The following KIF22 variants were observed in gnomAD, a reference collection of about 807,000 sequenced individuals.
KIF22 encodes kinesin-like protein KIF22.
KIF22 carries 62 observed loss-of-function variants against 73.0 expected under a neutral mutation model. The observed-to-expected ratio is 0.85, with a 90% confidence interval of 0.69 to 1.05. KIF22 has a LOEUF of 1.05. Ranked by LOEUF, KIF22 falls within the 50% of genes least tolerant of loss-of-function variation. The pLI is 0.00. For synonymous variants in KIF22, 411 were observed against 340.1 expected (o/e 1.21, Z -2.29); for missense variants, 854 against 870.1 (o/e 0.98, Z 0.23).
Position 29,798,292 on chromosome 16 carries a change from C to T in KIF22, c.267-82C>T, listed in dbSNP as rs1408356906. The T allele has an allele frequency of 2.3e-6, 3 of 1,285,378 alleles. No individual in the cohort carries two copies. The highest frequency in any genetic ancestry group is 3.1e-6 in the Non-Finnish European group (3 of 954,642). 79.6% of individuals were successfully genotyped at this position (1,285,378 alleles called of 1,614,324 possible). A position where few individuals can be genotyped will look rare whatever the true frequency, so the allele number is the denominator to read the frequency against. On this transcript the variant is annotated intron_variant, in intron 2 of 13. Transcript: ENST00000160827. This position sits in a 1 kb window ranked among gnomAD's most constrained non-coding sequence, Gnocchi z 4.1. ...AGATGAGAGTAGAATCCCTTACCCA[C>T]CCCCACCCCACTCCACCCCTTACAC...
Position 29,799,984 on chromosome 16 carries a change from G to A in KIF22, c.1216G>A (p.Glu406Lys). The change falls in exon 8 of 14, where the codon GAG (glutamate) becomes AAG (lysine). Residue 406 changes from glutamate to lysine, a missense_variant. Transcript: ENST00000160827. ...AGAGGCAAAGAGAGCCCGAGGCCCT[G>A]AGGAAGAGGAGATCGGGAGCCCTGA... is the stretch of plus-strand genomic sequence containing the variant. ...PPEAKRARGP[E>K]EEEIGSPEPM... 1 of 1,614,116 alleles carries A rather than the reference G, an allele frequency of 6.2e-7. No homozygotes were observed. Among genetic ancestry groups the A allele is most frequent in the East Asian group, 2.2e-5 (1 of 44,886 alleles).
In KIF22 at chr16:29,799,436, T is replaced by A. The variant is rs1317692045; in HGVS notation, c.932T>A (p.Leu311Gln). ...GTCCTGGGCAAAGTGGTAGATGCGC[T>A]GAATCAGGGCCTCCCTCGTGTACCT... ...LFVLGKVVDALNQGLPRVPYR... is the reference protein window; with the variant it reads ...LFVLGKVVDAQNQGLPRVPYR... Residue 311 changes from leucine (L) to glutamine (Q), a missense_variant, in exon 6 of 14, where the codon CTG becomes CAG. Transcript: ENST00000160827. 6.2e-7 allele frequency: 1 copy of A among 1,614,238 alleles called. No homozygotes were observed. The highest frequency in any genetic ancestry group is 1.1e-5 in the South Asian group (1 of 91,084).
At chr16:29,796,186 G>A (rs879817284) in intron 1 of KIF22, among the ~76,000 whole-genome samples, 4 of 147,502 alleles carry the variant, frequency 2.7e-5, no homozygotes, top group Admixed American at 1.4e-4. Flanking sequence ...TGGGAGGATC[G>A]CTTGAACCTG....
At chr16:29,804,789 T>A in intron 11 of KIF22, 25 bp from the exon 12 acceptor site, 1 of 1,568,878 alleles carries the variant, frequency 6.4e-7, no homozygotes, top group Non-Finnish European at 8.7e-7. Context: ...GCCCTGCGTG[T>A]CACTCATCTC....
At chr16:29,805,053 G>A in intron 12 of KIF22, 27 bp downstream of exon 12, 2 of 1,610,758 alleles carry the variant, frequency 1.2e-6, no homozygotes, top group South Asian at 1.1e-5. Context: ...CTGGGGGAGG[G>A]CGGGGGCGGG....
intron 8 of KIF22, 63 bp downstream of exon 8, chr16:29,800,111 T>A: frequency 6.6e-7 from 1 of 1,512,350 alleles, no homozygotes; most frequent in South Asian, 1.2e-5. Flanking sequence ...AGAGCTGCAA[T>A]GCCCGTCAGA....
In KIF22 at chr16:29,805,006, C is replaced by G. The variant is rs372344655; in HGVS notation, c.1870C>G (p.Leu624Val). ...CCAGCTAATCGTGGGCTGGCGGGAG[C>G]TCCACGGCCCCTTCAGCCAGGTAGC... ...KAQLIVGWRE[L>V]HGPFSQVEDL... The change falls in exon 12 of 14, where the codon CTC becomes GTC. Residue 624 changes from leucine to valine, a missense_variant. Coordinates refer to ENST00000160827, the MANE Select transcript of KIF22 (RefSeq NM_007317.3). 3.1e-6 allele frequency: 5 copies of G among 1,609,828 alleles called. No homozygotes were observed. Among genetic ancestry groups the G allele is most frequent in the East Asian group, 2.2e-5 (1 of 44,868 alleles).
rs1328469040 is a variant in KIF22, at chr16:29,798,290, C to T, written c.267-84C>T. On this transcript the variant is annotated intron_variant, in intron 2 of 13. Transcript: ENST00000160827. The surrounding 1 kb of genome is among the most constrained non-coding windows in gnomAD (Gnocchi z 4.1). ...CCAGATGAGAGTAGAATCCCTTACCCACCCCCACCCCACTCCACCCCTTAC... is the reference window on the plus strand; with the variant it reads ...CCAGATGAGAGTAGAATCCCTTACCTACCCCCACCCCACTCCACCCCTTAC... The T allele has an allele frequency of 2.3e-6, 3 of 1,285,182 alleles. No individual in the cohort carries two copies. In the South Asian group the frequency reaches 3.8e-5, roughly 16 times the overall value. 79.6% of individuals were successfully genotyped at this position (1,285,182 alleles called of 1,614,324 possible). A position where few individuals can be genotyped will look rare whatever the true frequency, so the allele number is the denominator to read the frequency against.
chr16:29,804,277 C>T, intron 11 of KIF22: 1 of 615,672 alleles, frequency 1.6e-6, no homozygotes, highest in Admixed American at 2.7e-5. Context: ...ATGTACCTCG[C>T]AGAGCGGATG....
At position 29,798,553 on chromosome 16, in the gene KIF22, G is replaced by A. The variant is rs754532607; in HGVS notation, c.395-40G>A. 31 of 1,613,746 alleles carry A rather than the reference G, an allele frequency of 1.9e-5. No homozygotes were observed. Among genetic ancestry groups the A allele is most frequent in the Admixed American group, 1.0e-4 (6 of 60,014 alleles). On this transcript the variant is annotated intron_variant, in intron 3 of 13. Transcript: ENST00000160827. The surrounding 1 kb of genome is among the most constrained non-coding windows in gnomAD (Gnocchi z 4.1). ...ATGGGTCAGAAAGGGCTGGGGAAACGGAGAGGAAAACCTCACAGTTTTCTC... is the reference window on the plus strand; with the variant it reads ...ATGGGTCAGAAAGGGCTGGGGAAACAGAGAGGAAAACCTCACAGTTTTCTC...
intron 10 of KIF22, 34 bp from the exon 11 acceptor site, chr16:29,803,964 T>A: frequency 3.2e-6 from 5 of 1,563,744 alleles, no homozygotes; most frequent in Non-Finnish European, 4.4e-6. Context: ...AAGTACCCTT[T>A]GCCCTGACTC....
In KIF22 at chr16:29,796,985, G is replaced by T; in HGVS notation, c.163G>T (p.Asp55Tyr). 2 of 1,614,172 alleles carry T rather than the reference G, an allele frequency of 1.2e-6. No individual in the cohort carries two copies. The highest frequency in any genetic ancestry group is 1.7e-6 in the Non-Finnish European group (2 of 1,180,016). ...GGCTGTGCGACTGCGGCCATTTGTG[G>T]ATGGAACAGCGGGAGCAAGTGATCC... ...RVAVRLRPFVDGTAGASDPPC... is the reference protein window; with the variant it reads ...RVAVRLRPFVYGTAGASDPPC... The change falls in exon 2 of 14, where the codon GAT becomes TAT. Residue 55 changes from aspartate to tyrosine, a missense_variant. Asp to Tyr is a radical substitution (Grantham distance 160). Coordinates refer to ENST00000160827, the MANE Select transcript of KIF22 (RefSeq NM_007317.3).
Position 29,790,765 on chromosome 16 carries a change from C to A in KIF22, c.6C>A (p.Ala2=). The change falls in exon 1 of 14, where the codon GCC becomes GCA. Residue 2 remains alanine (A), a synonymous_variant. Coordinates refer to ENST00000160827, the MANE Select transcript of KIF22 (RefSeq NM_007317.3). M[A]AGGSTQQRRR... ...GGGCCCAAGGAGGGAGTGGAATGGC[C>A]GCGGGCGGCTCGACGCAGCAGAGGC... 1 of 1,595,282 alleles carries A rather than the reference C, an allele frequency of 6.3e-7. No individual in the cohort carries two copies. The highest frequency in any genetic ancestry group is 1.3e-5 in the African/African-American group (1 of 74,772).
At chr16:29,792,527 A>C (rs1898845400) in intron 1 of KIF22, 1 of 433,180 alleles carries the variant, frequency 2.3e-6, no homozygotes, top group Admixed American at 6.4e-5. Flanking sequence ...GAGCAGGATA[A>C]AACTTGTTCT....
chr16:29,800,063 C>T lies in KIF22; in HGVS notation c.1280+15C>T. 1 of 1,603,952 alleles carries T rather than the reference C, an allele frequency of 6.2e-7. No homozygotes were observed. The highest frequency in any genetic ancestry group is 8.5e-7 in the Non-Finnish European group (1 of 1,178,124). On this transcript the variant is annotated intron_variant, in intron 8 of 13. Transcript: ENST00000160827. ...CAGAAACTCAGGTGAGCAGTGGGGC[C>T]TTGGGTGTATCCCCTTCCTGATGTA...
chr16:29,790,890 T>C (rs1198391063), intron 1 of KIF22, 61 bp downstream of exon 1: 40 of 1,555,724 alleles, frequency 2.6e-5, no homozygotes, highest in Non-Finnish European at 3.0e-5. Flanking sequence ...GGGAGTTATG[T>C]GTCGGAGTGT....
At chr16:29,790,899 G>A in intron 1 of KIF22, 70 bp downstream of exon 1, 1 of 1,552,122 alleles carries the variant, frequency 6.4e-7, no homozygotes, top group Non-Finnish European at 8.7e-7. Context: ...GTGTCGGAGT[G>A]TGGTCCAGGC....
intron 8 of KIF22, among the ~76,000 whole-genome samples, chr16:29,800,493 G>A (rs1354461595): frequency 1.3e-5 from 2 of 151,516 alleles, no homozygotes; most frequent in East Asian, 2.0e-4. Context: ...GGCTAGGCAC[G>A]GTGGCTCACG....
chr16:29,796,992 C>T lies in KIF22; in HGVS notation c.170C>T (p.Thr57Ile). 6.2e-7 allele frequency: 1 copy of T among 1,614,074 alleles called. No individual in the cohort carries two copies. The highest frequency in any genetic ancestry group is 8.5e-7 in the Non-Finnish European group (1 of 1,179,976). The part of the protein sequence containing the change: ...AVRLRPFVDG[T>I]AGASDPPCVR... Reference sequence around the variant, plus strand: ...CGACTGCGGCCATTTGTGGATGGAACAGCGGGAGCAAGTGATCCCCCCTGT... The same window carrying T: ...CGACTGCGGCCATTTGTGGATGGAATAGCGGGAGCAAGTGATCCCCCCTGT... Residue 57 changes from threonine (T) to isoleucine (I), a missense_variant, in exon 2 of 14, where the codon ACA (threonine) becomes ATA (isoleucine). Transcript: ENST00000160827.
Sources: allele counts gnomAD v4.1 joint callset (sites outside exome capture counted in the v4.1 genomes callset), GRCh38; gene constraint gnomAD v4.1.1; non-coding constraint Gnocchi (gnomAD v3.1); transcripts MANE v1.5; gene names NCBI Gene and HGNC (gene_info 2026-07-23, HGNC 2026-07-21).